MYOM1: variants seen among roughly 807,000 people sequenced by gnomAD.
The protein encoded by MYOM1 is myomesin-1.
A neutral mutation model predicts 205.3 loss-of-function variants in MYOM1; 164 were observed. The ratio of observed to expected loss-of-function variants is 0.80; its 90% CI spans 0.70 to 0.91. The LOEUF is 0.91. Ranked by LOEUF, MYOM1 falls within the 40% of genes least tolerant of loss-of-function variation. The probability of loss-of-function intolerance (pLI) is 0.00; values close to 1 mark genes in which losing one functional copy is unlikely to be tolerated. For synonymous variants in MYOM1, 772 were observed against 789.4 expected, an observed-to-expected ratio of 0.98 and a Z score of 0.37; for missense variants, 2,011 against 2,127.3, an observed-to-expected ratio of 0.95 and a Z score of 1.08.
intron 35 of MYOM1, 69 bp from the exon 36 acceptor site, chr18:3,075,545 T>C (rs958328256): frequency 6.5e-7 from 1 of 1,541,606 alleles, no homozygotes; most frequent in Non-Finnish European, 9.0e-7. Context: ...GTAGCTAAAC[T>C]TGACGACATT....
chr18:3,145,588 A>G (rs1395316092), intron 13 of MYOM1, among the ~76,000 whole-genome samples: 1 of 152,224 alleles, frequency 6.6e-6, no homozygotes, highest in Admixed American at 6.5e-5. Context: ...ACAAAATAAA[A>G]ATGAAAACAC....
At chr18:3,226,822 G>A in the MYOM1 span, among the ~76,000 whole-genome samples, 3 of 152,134 alleles carry the variant, frequency 2.0e-5, no homozygotes, top group African/African-American at 7.2e-5. The surrounding 1 kb of genome is among the most constrained non-coding windows in gnomAD (Gnocchi z 4.6). Flanking sequence ...ATGTGGCAAA[G>A]GACAACTCCT....
intron 19 of MYOM1, 99 bp downstream of exon 19, chr18:3,126,602 C>T (rs950947325): frequency 8.7e-5 from 90 of 1,036,694 alleles, no homozygotes; most frequent in Non-Finnish European, 1.2e-4. Context: ...GGAGAAATGA[C>T]GTGACTCTCT....
intron 2 of MYOM1, among the ~76,000 whole-genome samples, chr18:3,205,121 T>C (rs1267539460): frequency 6.6e-6 from 1 of 152,078 alleles, no homozygotes; most frequent in Non-Finnish European, 1.5e-5. Context: ...GTAAAACTCT[T>C]AGAAGAAAAG....
chr18:3,168,995 T>C lies in MYOM1; in HGVS notation c.1175-14A>G, dbSNP rs762559970. Reference sequence around the variant, plus strand: ...GGGTCACACCAACTGGGTACAAAAATAACAAATATCAGTAATTTTTTTCTT... The same window carrying C: ...GGGTCACACCAACTGGGTACAAAAACAACAAATATCAGTAATTTTTTTCTT... On this transcript the variant is annotated splice_polypyrimidine_tract_variant and intron_variant, in intron 8 of 37. Transcript: ENST00000356443. 17 of 1,593,004 alleles carry C rather than the reference T, an allele frequency of 1.1e-5. No homozygotes were observed. The South Asian group carries it at 1.8e-4, about 17-fold the overall frequency.
chr18:3,153,434 C>T (rs2143999238), intron 11 of MYOM1, among the ~76,000 whole-genome samples: 1 of 152,254 alleles, frequency 6.6e-6, no homozygotes, highest in Non-Finnish European at 1.5e-5. Flanking sequence ...GTGCCATGCA[C>T]ACAGTAAATG....
chr18:3,091,437 C>T (rs1220244607), intron 26 of MYOM1, among the ~76,000 whole-genome samples: 2 of 151,616 alleles, frequency 1.3e-5, no homozygotes, highest in African/African-American at 2.4e-5. Context: ...CATGATTGTG[C>T]CACTGCACTC....
intron 22 of MYOM1, among the ~76,000 whole-genome samples, chr18:3,104,148 C>T (rs372833986): frequency 3.3e-5 from 5 of 152,278 alleles, no homozygotes; most frequent in African/African-American, 1.2e-4. Context: ...TCTTCACACT[C>T]TATTTTCGTA....
chr18:3,164,788 A>C (rs998876396), intron 9 of MYOM1, among the ~76,000 whole-genome samples: 25 of 152,246 alleles, frequency 1.6e-4, no homozygotes, highest in African/African-American at 6.0e-4. Context: ...GGGTAATACA[A>C]GTTGCAAAAA....
At chr18:3,118,826 GTCTC>G (rs1001440388) in intron 20 of MYOM1, among the ~76,000 whole-genome samples, 2 of 152,136 alleles carry the variant, frequency 1.3e-5, no homozygotes, top group Non-Finnish European at 2.9e-5. Context: ...CAATGTGTTT[GTCTC>G]TCTCTATTTG....
rs775330863 is a variant in MYOM1, at chr18:3,079,208, T to C, written c.4619A>G (p.His1540Arg). The C allele has an allele frequency of 3.1e-6, 5 of 1,613,958 alleles. No homozygotes were observed. The Admixed American group carries it at 8.3e-5, about 27-fold the overall frequency. ...VMELFDGKTG[H>R]QKTVDLSGQA... The stretch of plus-strand genomic sequence containing the variant: ...TCCAGAGAGATCCACTGTCTTCTGA[T>C]GTCCAGTTTTGCCATCAAAGAGCTC... Residue 1540 changes from histidine to arginine, a missense_variant, in exon 34 of 38, where the codon CAT (histidine) becomes CGT (arginine). His to Arg is a conservative substitution (Grantham distance 29). Transcript: ENST00000356443.
the MYOM1 span, chr18:3,246,144 T>C: frequency 6.6e-6 from 1 of 152,266 alleles, no homozygotes; most frequent in African/African-American, 2.4e-5. Flanking sequence ...CGTTTCTTTC[T>C]GCTCTAAAGT....
chr18:3,198,288 T>C (rs976650683), intron 2 of MYOM1, among the ~76,000 whole-genome samples: 1 of 152,178 alleles, frequency 6.6e-6, no homozygotes, highest in Non-Finnish European at 1.5e-5. Context: ...GGATGAACTG[T>C]GGGCATTGTC....
In MYOM1 at chr18:3,193,947, G is replaced by C. The variant is rs1342665494; in HGVS notation, c.302C>G (p.Ser101Cys). The change falls in exon 3 of 38, where the codon TCC (serine) becomes TGC (cysteine). Residue 101 changes from serine to cysteine, a missense_variant. Transcript: ENST00000356443. The stretch of plus-strand genomic sequence containing the variant: ...TGAATAATCATCTAACAGCAGACTG[G>C]AATCTGTAAGTCTGAAATAAACCAC... ...DYGSSHGLTD[S>C]SLLLDDYSSK... 1 of 1,613,272 alleles carries C rather than the reference G, an allele frequency of 6.2e-7. No homozygotes were observed. The highest frequency in any genetic ancestry group is 1.3e-5 in the African/African-American group (1 of 74,882).
chr18:3,151,459 AAAATAAAATAAAAT>A (rs1423076116), intron 12 of MYOM1, among the ~76,000 whole-genome samples: 37 of 136,644 alleles, frequency 2.7e-4, no homozygotes, highest in Middle Eastern at 3.5e-3. Context: ...ATAAAATAAT[AAAATAAAATAAAAT>A]AAATAAAATA....
At chr18:3,148,698 T>G (rs1024613352) in intron 13 of MYOM1, among the ~76,000 whole-genome samples, 1 of 151,456 alleles carries the variant, frequency 6.6e-6, no homozygotes, top group African/African-American at 2.4e-5. Context: ...ATACAAAAAT[T>G]AGCCAGGCGT....
At chr18:3,165,414 A>C (rs2080453653) in intron 9 of MYOM1, among the ~76,000 whole-genome samples, 1 of 152,044 alleles carries the variant, frequency 6.6e-6, no homozygotes, top group Non-Finnish European at 1.5e-5. Context: ...CTGTATCTTC[A>C]ATTATAAGTG....
rs757148632 is a variant in MYOM1 at position 3,135,813 on chromosome 18, T to C, written c.2026-83A>G. The C allele has an allele frequency of 8.1e-6, 12 of 1,485,374 alleles. No homozygotes were observed. Among genetic ancestry groups the C allele is most frequent in the Non-Finnish European group, 1.1e-5 (12 of 1,083,458 alleles). The allele number at this position is 1,485,374 out of a possible 1,614,324, so 92.0% of individuals were successfully genotyped here. A position where few individuals can be genotyped will look rare whatever the true frequency, so the allele number is the denominator to read the frequency against. ...GCCAGGCAACTCCAAGTTTCATTCA[T>C]CTGCAACAAACCACTCCCTGTAATG... is the stretch of plus-strand genomic sequence containing the variant. On this transcript the variant is annotated intron_variant, in intron 14 of 37. Coordinates refer to ENST00000356443, the MANE Select transcript of MYOM1 (RefSeq NM_003803.4). The surrounding 1 kb of genome is among the most constrained non-coding windows in gnomAD (Gnocchi z 4.1).
chr18:3,194,030 A>C, intron 2 of MYOM1, 72 bp from the exon 3 acceptor site: 1 of 1,498,916 alleles, frequency 6.7e-7, no homozygotes, highest in Non-Finnish European at 9.0e-7. Flanking sequence ...CGATAGAGGA[A>C]GTTTTAACTT....
Sources: gnomAD v4.1 joint callset for allele counts (sites outside exome capture counted in the v4.1 genomes callset) on GRCh38, gnomAD v4.1.1 for gene constraint, Gnocchi (gnomAD v3.1) non-coding constraint, MANE v1.5 for transcripts, NCBI Gene and HGNC (gene_info 2026-07-23, HGNC 2026-07-21) for gene names.